CEP112: variants seen among roughly 807,000 people sequenced by gnomAD.
The protein encoded by CEP112 is centrosomal protein of 112 kDa.
CEP112 carries 127 observed loss-of-function variants against 153.0 expected under a neutral mutation model. The ratio of observed to expected loss-of-function variants is 0.83; its 90% CI spans 0.72 to 0.96. The LOEUF (loss-of-function observed/expected upper bound fraction) is 0.96, where lower values mean the gene tolerates loss of function less well. Among genes scored for constraint, CEP112 ranks in the 40% least tolerant of loss-of-function variants. The probability of loss-of-function intolerance (pLI) is 0.00; values close to 1 mark genes in which losing one functional copy is unlikely to be tolerated. For synonymous variants in CEP112, 358 were observed against 374.4 expected, an observed-to-expected ratio of 0.96 and a Z score of 0.51; for missense variants, 1,089 against 1,101.2, an observed-to-expected ratio of 0.99 and a Z score of 0.16.
intron 17 of CEP112, among the ~76,000 whole-genome samples, chr17:65,999,021 C>T (rs1025338494): frequency 5.9e-5 from 9 of 152,038 alleles, no homozygotes; most frequent in African/African-American, 1.7e-4. Flanking sequence ...CCATTCTCCA[C>T]GTTTGTTATA....
intron 24 of CEP112, among the ~76,000 whole-genome samples, chr17:65,678,783 T>A (rs1298318361): frequency 6.6e-6 from 1 of 152,176 alleles, no homozygotes; most frequent in Non-Finnish European, 1.5e-5. Context: ...GGATTTGATA[T>A]GTCAGCAAAG....
At chr17:66,083,107 C>G (rs2067786413) in intron 8 of CEP112, among the ~76,000 whole-genome samples, 2 of 152,166 alleles carry the variant, frequency 1.3e-5, no homozygotes, top group African/African-American at 4.8e-5. Context: ...CAAATATCAT[C>G]TTGAACTGTA....
chr17:66,003,164 G>C (rs1350110864), intron 17 of CEP112, among the ~76,000 whole-genome samples: 2 of 152,198 alleles, frequency 1.3e-5, no homozygotes, highest in Non-Finnish European at 2.9e-5. Flanking sequence ...TAGCCAAAAT[G>C]AAGGTATTAA....
intron 12 of CEP112, among the ~76,000 whole-genome samples, chr17:66,049,965 A>G (rs1943363865): frequency 6.6e-6 from 1 of 152,040 alleles, no homozygotes; most frequent in African/African-American, 2.4e-5. Flanking sequence ...TAGAAGGGAT[A>G]GATCTTTTCA....
At chr17:65,940,464 T>C (rs1358485407) in intron 18 of CEP112, among the ~76,000 whole-genome samples, 1 of 152,126 alleles carries the variant, frequency 6.6e-6, no homozygotes, top group African/African-American at 2.4e-5. Context: ...TTATTCACAA[T>C]AGACAAGATA....
chr17:65,834,304 G>A (rs993003014), intron 21 of CEP112, among the ~76,000 whole-genome samples: 2 of 152,256 alleles, frequency 1.3e-5, no homozygotes, highest in South Asian at 2.1e-4. Flanking sequence ...ATGATTTCAT[G>A]ACAAAGACAC....
chr17:66,173,070 T>A (rs1025904828), intron 4 of CEP112, among the ~76,000 whole-genome samples: 2 of 152,212 alleles, frequency 1.3e-5, no homozygotes, highest in African/African-American at 4.8e-5. Flanking sequence ...CTCCCCTTCT[T>A]AAATCACATG....
chr17:65,935,685 AG>A (rs1850619972), intron 18 of CEP112, among the ~76,000 whole-genome samples: 1 of 152,130 alleles, frequency 6.6e-6, no homozygotes, highest in Non-Finnish European at 1.5e-5. Flanking sequence ...AAAAATCAAA[AG>A]AAAAATTAAA....
At chr17:65,808,645 C>T (rs1215433915) in intron 21 of CEP112, among the ~76,000 whole-genome samples, 1 of 152,046 alleles carries the variant, frequency 6.6e-6, no homozygotes, top group Admixed American at 6.6e-5. Flanking sequence ...TATAGCACTT[C>T]CCCCTTCTCT....
At chr17:65,842,711 A>T (rs757713896) in intron 21 of CEP112, among the ~76,000 whole-genome samples, 3 of 152,168 alleles carry the variant, frequency 2.0e-5, no homozygotes, top group Non-Finnish European at 4.4e-5. Flanking sequence ...CATACAAACC[A>T]GATAAAGTAG....
chr17:65,989,847 G>A (rs779506434), intron 17 of CEP112, among the ~76,000 whole-genome samples: 2 of 152,152 alleles, frequency 1.3e-5, no homozygotes, highest in African/African-American at 2.4e-5. Context: ...ATAAAGATGT[G>A]TAATTGAGAC....
At chr17:65,941,455 G>A (rs943930624) in intron 18 of CEP112, 20 of 152,006 alleles carry the variant, frequency 1.3e-4, no homozygotes, top group African/African-American at 4.6e-4. Context: ...GATACTGACC[G>A]AAAATGCCAG....
intron 8 of CEP112, among the ~76,000 whole-genome samples, chr17:66,071,738 C>A (rs976009629): frequency 6.6e-6 from 1 of 152,080 alleles, no homozygotes; most frequent in Non-Finnish European, 1.5e-5. Flanking sequence ...AACCCAAGTT[C>A]TAAAGTGCAG....
chr17:66,099,495 ACT>A (rs2068476132), intron 6 of CEP112, among the ~76,000 whole-genome samples: 1 of 110,690 alleles, frequency 9.0e-6, no homozygotes, highest in South Asian at 3.3e-4. Flanking sequence ...CAAGAATGAA[ACT>A]CTGTCTCAAA....
In CEP112 at chr17:66,169,711, T is replaced by A. The variant is rs567923652; in HGVS notation, c.470+5333A>T. Among the ~76,000 whole-genome samples the A allele has an allele frequency of 3.9e-5, 6 of 152,332 alleles. No individual in the cohort carries two copies. The South Asian group carries it at 6.2e-4, about 16-fold the overall frequency. On this transcript the variant is annotated intron_variant, in intron 4 of 26. Coordinates refer to ENST00000535342, the MANE Select transcript of CEP112 (RefSeq NM_001199165.4). ...AAGGATTGTGACTTTTTACTCTAAA[T>A]ATTTCTATATTGAGGTTTTTATAAA...
chr17:65,761,794 C>T (rs1303613376), intron 21 of CEP112, among the ~76,000 whole-genome samples: 1 of 151,950 alleles, frequency 6.6e-6, no homozygotes, highest in African/African-American at 2.4e-5. Context: ...TGTTAAGATA[C>T]GTTTTATGGC....
In CEP112 at chr17:65,681,572, T is replaced by G. The variant is rs370633073; in HGVS notation, c.2697+7557A>C. Reference sequence around the variant, plus strand: ...ATCTAAAAAAATGATAGTGTCATTGTCCACTATATACCAGCTTATCAATTT... The same window carrying G: ...ATCTAAAAAAATGATAGTGTCATTGGCCACTATATACCAGCTTATCAATTT... On this transcript the variant is annotated intron_variant, in intron 24 of 26. Transcript: ENST00000535342. Among the ~76,000 whole-genome samples, 11 of 151,034 alleles carry G rather than the reference T, an allele frequency of 7.3e-5. No homozygotes were observed. In the East Asian group the frequency reaches 1.2e-3, roughly 16 times the overall value.
At chr17:66,026,375 A>G (rs762550824) in intron 16 of CEP112, among the ~76,000 whole-genome samples, 3 of 152,174 alleles carry the variant, frequency 2.0e-5, no homozygotes, top group Non-Finnish European at 4.4e-5. Flanking sequence ...GGATATCAAC[A>G]TGTGTCAGTT....
chr17:66,118,520 T>G (rs1450288658), intron 6 of CEP112, among the ~76,000 whole-genome samples: 1 of 151,964 alleles, frequency 6.6e-6, no homozygotes. Context: ...GAAAATGAAC[T>G]CATGGAGGTA....
Sources: allele counts gnomAD v4.1 joint callset (sites outside exome capture counted in the v4.1 genomes callset), GRCh38; gene constraint gnomAD v4.1.1; transcripts MANE v1.5; gene names NCBI Gene and HGNC (gene_info 2026-07-23, HGNC 2026-07-21).